The following CUL1 variants were observed in gnomAD, a reference collection of about 807,000 sequenced individuals.
CUL1 encodes the protein cullin 1, also known as cullin-1.
Under a neutral mutation model 118.0 loss-of-function variants are expected in CUL1, and 24 were observed. The ratio of observed to expected loss-of-function variants is 0.20; its 90% CI spans 0.15 to 0.29. The LOEUF is 0.29. Among genes scored for constraint, CUL1 ranks in the 10% least tolerant of loss-of-function variants. The probability of loss-of-function intolerance (pLI) is 1.00; values close to 1 mark genes in which losing one functional copy is unlikely to be tolerated. For missense variants in CUL1, 361 were observed against 933.8 expected (o/e 0.39, Z 7.99); for synonymous variants, 332 against 340.4 (o/e 0.98, Z 0.27).
chr7:148,730,357 C>T, intron 2 of CUL1, 95 bp downstream of exon 2: 1 of 1,312,630 alleles, frequency 7.6e-7, no homozygotes, highest in African/African-American at 1.5e-5. Context: ...GTTTTCTCCT[C>T]CCAGTTCATC....
chr7:148,726,527 A>T (rs1206471793), intron 1 of CUL1, among the ~76,000 whole-genome samples: 1 of 152,208 alleles, frequency 6.6e-6, no homozygotes, highest in Non-Finnish European at 1.5e-5. Context: ...TTTAACAAAT[A>T]GGCAGTTGTT....
At chr7:148,790,563 C>A in intron 16 of CUL1, 122 bp downstream of exon 16, 2 of 835,480 alleles carry the variant, frequency 2.4e-6, no homozygotes, top group Non-Finnish European at 3.7e-6. Context: ...GAAATAGTGG[C>A]AGGTTTAAAG....
At chr7:148,754,667 G>A (rs1047441554) in intron 3 of CUL1, among the ~76,000 whole-genome samples, 12 of 152,086 alleles carry the variant, frequency 7.9e-5, no homozygotes, top group African/African-American at 1.7e-4. Context: ...AGAAATAATT[G>A]TAAGGTTATT....
At chr7:148,768,698 T>C (rs1800096678) in intron 9 of CUL1, among the ~76,000 whole-genome samples, 1 of 152,196 alleles carries the variant, frequency 6.6e-6, no homozygotes. Context: ...AAGAAAAGTT[T>C]CTAAAACACA....
At chr7:148,780,214 T>C (rs1482206889) in intron 9 of CUL1, among the ~76,000 whole-genome samples, 1 of 152,192 alleles carries the variant, frequency 6.6e-6, no homozygotes, top group South Asian at 2.1e-4. Context: ...GTGGTTCAGA[T>C]AGTGATAGTG....
intron 14 of CUL1, among the ~76,000 whole-genome samples, chr7:148,789,399 G>C (rs1800934190): frequency 6.6e-6 from 1 of 152,144 alleles, no homozygotes; most frequent in Non-Finnish European, 1.5e-5. Flanking sequence ...CTGGGGCTGT[G>C]ATGATGCCGG....
At chr7:148,753,740 T>G (rs1409036344) in intron 2 of CUL1, among the ~76,000 whole-genome samples, 2 of 152,198 alleles carry the variant, frequency 1.3e-5, no homozygotes, top group African/African-American at 4.8e-5. Flanking sequence ...CCTGGAATGT[T>G]CCCTTCTCCA....
chr7:148,781,877 A>G (rs1487843909), intron 9 of CUL1, among the ~76,000 whole-genome samples: 1 of 152,218 alleles, frequency 6.6e-6, no homozygotes, highest in African/African-American at 2.4e-5. Context: ...ATTAATATTT[A>G]TATACATAAC....
chr7:148,736,788 A>G (rs948163971), intron 2 of CUL1, among the ~76,000 whole-genome samples: 3 of 152,244 alleles, frequency 2.0e-5, no homozygotes, highest in Non-Finnish European at 2.9e-5. Flanking sequence ...TAAAAACACA[A>G]TGAAGACTGT....
chr7:148,723,694 G>A (rs1024525929), intron 1 of CUL1, among the ~76,000 whole-genome samples: 1 of 150,452 alleles, frequency 6.6e-6, no homozygotes, highest in African/African-American at 2.4e-5. Context: ...TTCATTAAGT[G>A]AAGTGAGGTA....
chr7:148,776,888 A>G (rs936477067), intron 9 of CUL1, among the ~76,000 whole-genome samples: 3 of 152,160 alleles, frequency 2.0e-5, no homozygotes, highest in African/African-American at 7.2e-5. Flanking sequence ...CACTACTTCT[A>G]TTTCAGAACT....
At chr7:148,754,704 T>A (rs544088323) in intron 3 of CUL1, among the ~76,000 whole-genome samples, 72 of 152,292 alleles carry the variant, frequency 4.7e-4, no homozygotes, top group African/African-American at 1.7e-3. Context: ...GTTTTTCAAA[T>A]GTGATCTTGC....
chr7:148,787,041 C>T lies in CUL1; in HGVS notation c.1400C>T (p.Ala467Val). 6.2e-7 allele frequency: 1 copy of T among 1,613,344 alleles called. No individual in the cohort carries two copies. The highest frequency in any genetic ancestry group is 8.5e-7 in the Non-Finnish European group (1 of 1,179,758). ...AAAGACGTATTTCAGAAGTTCTATGCGAAGATGCTCGCCAAGAGGCTCGTC... is the reference window on the plus strand; with the variant it reads ...AAAGACGTATTTCAGAAGTTCTATGTGAAGATGCTCGCCAAGAGGCTCGTC... Reference protein sequence around the residue: ...EDKDVFQKFYAKMLAKRLVHQ... With the variant: ...EDKDVFQKFYVKMLAKRLVHQ... Residue 467 changes from alanine to valine, a missense_variant, in exon 13 of 22, where the codon GCG becomes GTG. By Grantham distance (64) the Ala-to-Val change is moderately conservative. This residue lies in a region of CUL1 where 169 missense variants were observed against 429.7 expected (regional missense o/e 0.39). Transcript: ENST00000325222. The surrounding 1 kb of genome is among the most constrained non-coding windows in gnomAD (Gnocchi z 5.5).
intron 2 of CUL1, among the ~76,000 whole-genome samples, chr7:148,739,364 A>G (rs1269570141): frequency 1.3e-5 from 2 of 152,352 alleles, no homozygotes; most frequent in African/African-American, 2.4e-5. Flanking sequence ...TCAGAGCTAT[A>G]TAAGATCTGC....
At chr7:148,780,111 CCG>C (rs200977902) in intron 9 of CUL1, among the ~76,000 whole-genome samples, 3 of 76,272 alleles carry the variant, frequency 3.9e-5, no homozygotes, top group East Asian at 3.6e-4. Context: ...TAATAAACTC[CCG>C]TATATATATA....
At chr7:148,778,510 T>C (rs1051223138) in intron 9 of CUL1, among the ~76,000 whole-genome samples, 2 of 152,204 alleles carry the variant, frequency 1.3e-5, no homozygotes, top group Admixed American at 1.3e-4. Context: ...GGAGATAATG[T>C]TACTTGAAGA....
At chr7:148,708,188 C>A (rs1584755890) in intron 1 of CUL1, among the ~76,000 whole-genome samples, 2 of 152,350 alleles carry the variant, frequency 1.3e-5, no homozygotes, top group East Asian at 3.9e-4. Flanking sequence ...CAATTCTCAG[C>A]AACTTCAGCT....
intron 17 of CUL1, among the ~76,000 whole-genome samples, chr7:148,794,719 A>G (rs184802569): frequency 5.3e-5 from 8 of 152,246 alleles, no homozygotes; most frequent in African/African-American, 1.2e-4. Flanking sequence ...CTTTTCATCT[A>G]TTTAGGTTGT....
intron 3 of CUL1, among the ~76,000 whole-genome samples, chr7:148,756,589 G>A (rs1254203058): frequency 1.3e-5 from 2 of 152,120 alleles, no homozygotes; most frequent in African/African-American, 2.4e-5. Flanking sequence ...TGCCCACCTC[G>A]GCCTCCCAAA....
Sources: allele counts gnomAD v4.1 joint callset (sites outside exome capture counted in the v4.1 genomes callset), GRCh38; gene constraint gnomAD v4.1.1; regional missense constraint gnomAD v4.1.1; non-coding constraint Gnocchi (gnomAD v3.1); transcripts MANE v1.5; gene names NCBI Gene and HGNC (gene_info 2026-07-23, HGNC 2026-07-21).